The following UGT1A9 variants were observed in gnomAD, a reference collection of about 807,000 sequenced individuals.
UGT1A9 encodes UDP-glucuronosyltransferase 1A9.
In UGT1A9, 35 loss-of-function variants were observed where a neutral mutation model predicts 45.0. The observed-to-expected ratio is 0.78, with a 90% confidence interval of 0.59 to 1.03. UGT1A9 has a LOEUF of 1.03. UGT1A9 is among the 50% of genes least tolerant of loss of function. The probability of loss-of-function intolerance (pLI) is 0.00; values close to 1 mark genes in which losing one functional copy is unlikely to be tolerated. For synonymous variants in UGT1A9, 278 were observed against 250.6 expected (o/e 1.11, Z -1.03); for missense variants, 687 against 666.6 (o/e 1.03, Z -0.34).
In UGT1A9 at chr2:233,743,994, T is replaced by C. The variant is rs60469444; in HGVS notation, c.856-23040T>C. 7.2e-6 allele frequency: 9 copies of C among 1,253,056 alleles called. No individual in the cohort carries two copies. The East Asian group carries it at 2.0e-4, about 28-fold the overall frequency. 77.6% of individuals were successfully genotyped at this position (1,253,056 alleles called of 1,614,324 possible). On this transcript the variant is annotated intron_variant, in intron 1 of 4. Coordinates refer to ENST00000354728, the MANE Select transcript of UGT1A9 (RefSeq NM_021027.3). The stretch of plus-strand genomic sequence containing the variant: ...GCCAGCACCCAGGCGCAGGCCCGAG[T>C]GCTCGGAGACCTGGGCCGCCTGGAG...
chr2:233,729,850 G>A (rs916795505), intron 1 of UGT1A9: 7 of 1,613,752 alleles, frequency 4.3e-6, no homozygotes, highest in African/African-American at 1.3e-5. Context: ...TTTTCAGAGA[G>A]AGGTGTCAGT....
chr2:233,709,363 T>C (rs909070965), intron 1 of UGT1A9, among the ~76,000 whole-genome samples: 1 of 152,220 alleles, frequency 6.6e-6, no homozygotes, highest in Non-Finnish European at 1.5e-5. Flanking sequence ...TATAGATTTT[T>C]CTGTGTCCTA....
At chr2:233,723,514 A>ACC (rs1243846588) in intron 1 of UGT1A9, among the ~76,000 whole-genome samples, 21 of 107,656 alleles carry the variant, frequency 2.0e-4, no homozygotes, top group African/African-American at 9.0e-4. Flanking sequence ...CTGGTCAACA[A>ACC]TCTTTTTTTT....
At position 233,672,273 on chromosome 2, in the gene UGT1A9, C is replaced by A. The variant is rs760653064; in HGVS notation, c.339C>A (p.Tyr113Ter). The A allele has an allele frequency of 6.2e-7, 1 of 1,613,852 alleles. No homozygotes were observed. Among genetic ancestry groups the A allele is most frequent in the Non-Finnish European group, 8.5e-7 (1 of 1,179,798 alleles). Reference protein sequence around the residue: ...RSIYSLLMGSYNDIFDLFFSN... With the variant: ...RSIYSLLMGS ...TATATTCTCTATTAATGGGTTCATA[C>A]AATGACATTTTTGACTTATTTTTTT... The change falls in exon 1 of 5, where the codon TAC (tyrosine) becomes TAA (stop). Residue 113 changes from tyrosine (Y) to a stop codon, truncating the protein, a stop_gained. Transcript: ENST00000354728. LOFTEE classifies it high-confidence loss of function.
chr2:233,737,321 C>G (rs2078863699), intron 1 of UGT1A9, among the ~76,000 whole-genome samples: 1 of 152,264 alleles, frequency 6.6e-6, no homozygotes, highest in African/African-American at 2.4e-5. Flanking sequence ...GACTGCTGCA[C>G]TAGCAGTGAG....
chr2:233,732,744 C>T (rs1207999893), intron 1 of UGT1A9, among the ~76,000 whole-genome samples: 2 of 150,716 alleles, frequency 1.3e-5, no homozygotes, highest in Non-Finnish European at 2.9e-5. Context: ...TAGCATGATG[C>T]CACCAGCTTT....
chr2:233,689,498 G>A (rs539374555), intron 1 of UGT1A9, among the ~76,000 whole-genome samples: 4 of 152,192 alleles, frequency 2.6e-5, no homozygotes, highest in East Asian at 1.9e-4. Flanking sequence ...AAATCAATAC[G>A]CAGAGGTTAC....
chr2:233,762,045 A>C (rs187851388), intron 1 of UGT1A9, among the ~76,000 whole-genome samples: 1 of 151,840 alleles, frequency 6.6e-6, no homozygotes, highest in African/African-American at 2.4e-5. Flanking sequence ...TTTTCTGTGC[A>C]TTTTCCTTCA....
chr2:233,753,266 G>A (rs1351102535), intron 1 of UGT1A9: 2 of 152,220 alleles, frequency 1.3e-5, no homozygotes, highest in South Asian at 2.1e-4. Flanking sequence ...CAGGCACCTT[G>A]GAGCATGTTG....
intron 1 of UGT1A9, among the ~76,000 whole-genome samples, chr2:233,725,195 G>A (rs2077386503): frequency 1.1e-5 from 1 of 94,936 alleles, no homozygotes; most frequent in Non-Finnish European, 1.9e-5. Flanking sequence ...CAGAGGCAGA[G>A]GCAGAGGCAG....
chr2:233,672,694 C>G lies in UGT1A9; in HGVS notation c.760C>G (p.Arg254Gly), dbSNP rs772500318. 6.2e-7 allele frequency: 1 copy of G among 1,613,912 alleles called. No homozygotes were observed. The highest frequency in any genetic ancestry group is 2.2e-5 in the East Asian group (1 of 44,890). The change falls in exon 1 of 5, where the codon CGA (arginine) becomes GGA (glycine). Residue 254 changes from arginine to glycine, a missense_variant. By Grantham distance (125) the Arg-to-Gly change is moderately radical. Transcript: ENST00000354728. ...CAGCCACACATCAATTTGGTTGTTG[C>G]GAACGGACTTTGTTTTGGACTATCC... Reference protein sequence around the residue: ...LYSHTSIWLLRTDFVLDYPKP... With the variant: ...LYSHTSIWLLGTDFVLDYPKP...
chr2:233,685,762 A>C (rs1323396149), intron 1 of UGT1A9, among the ~76,000 whole-genome samples: 1 of 152,156 alleles, frequency 6.6e-6, no homozygotes, highest in Non-Finnish European at 1.5e-5. Context: ...TTAAAGAAAA[A>C]TTTTGACTTT....
intron 1 of UGT1A9, among the ~76,000 whole-genome samples, chr2:233,766,276 C>T (rs1021162182): frequency 2.0e-5 from 3 of 151,848 alleles, no homozygotes; most frequent in Non-Finnish European, 2.9e-5. Flanking sequence ...GGCTCGGTGG[C>T]CCGGGCTCGG....
At chr2:233,674,522 G>A (rs973665397) in intron 1 of UGT1A9, among the ~76,000 whole-genome samples, 14 of 152,038 alleles carry the variant, frequency 9.2e-5, no homozygotes, top group South Asian at 2.1e-4. Flanking sequence ...GCCTCACAGC[G>A]TCACCCAGAG....
intron 1 of UGT1A9, chr2:233,761,049 G>A (rs1344319848): frequency 1.2e-6 from 2 of 1,614,174 alleles, no homozygotes; most frequent in Non-Finnish European, 1.7e-6. Flanking sequence ...CATCTGTCTG[G>A]CTGTTTAGAA....
chr2:233,762,605 G>T (rs1247129136), intron 1 of UGT1A9, among the ~76,000 whole-genome samples: 1 of 152,120 alleles, frequency 6.6e-6, no homozygotes, highest in Non-Finnish European at 1.5e-5. Flanking sequence ...TATTCCAGGA[G>T]TTTTGTTGTT....
At chr2:233,729,963 C>A in intron 1 of UGT1A9, 6 of 1,614,038 alleles carry the variant, frequency 3.7e-6, no homozygotes, top group Non-Finnish European at 5.1e-6. Context: ...TTGGGGGCAT[C>A]AACTGTGCCA....
chr2:233,729,140 T>A (rs764216877), intron 1 of UGT1A9: 1 of 1,613,384 alleles, frequency 6.2e-7, no homozygotes, highest in Admixed American at 1.7e-5. Flanking sequence ...GCCACAGGAC[T>A]CCAGGTTCCC....
rs537688236 is a variant in UGT1A9, at chr2:233,769,340, T to A, written c.1295+901T>A. On this transcript the variant is annotated intron_variant, in intron 4 of 4. Coordinates refer to ENST00000354728, the MANE Select transcript of UGT1A9 (RefSeq NM_021027.3). This position sits in a 1 kb window ranked among gnomAD's most constrained non-coding sequence, Gnocchi z 4.4. ...CACTGGTAATAGGCTTATTAGAACC[T>A]TATGGGAAGAAGTGGTGGCCAGTGG... Among the ~76,000 whole-genome samples the A allele has an allele frequency of 9.2e-5, 14 of 152,346 alleles. No individual in the cohort carries two copies. The highest frequency in any genetic ancestry group is 3.4e-4 in the African/African-American group (14 of 41,584).
Sources: gnomAD v4.1 joint callset for allele counts (sites outside exome capture counted in the v4.1 genomes callset) on GRCh38, gnomAD v4.1.1 for gene constraint, Gnocchi (gnomAD v3.1) non-coding constraint, MANE v1.5 for transcripts, NCBI Gene and HGNC (gene_info 2026-07-23, HGNC 2026-07-21) for gene names.